The following SPIRE1 variants were observed in gnomAD, a reference collection of about 807,000 sequenced individuals.
SPIRE1 encodes protein spire homolog 1.
SPIRE1 carries 40 observed loss-of-function variants against 94.1 expected under a neutral mutation model. That is an observed-to-expected ratio of 0.43 (90% CI 0.33 to 0.55). The LOEUF is 0.55. Ranked by LOEUF, SPIRE1 falls within the 20% of genes least tolerant of loss-of-function variation. The pLI is 0.06. For missense variants in SPIRE1, 838 were observed against 975.2 expected (o/e 0.86, Z 1.87); for synonymous variants, 376 against 371.7 (o/e 1.01, Z -0.13).
chr18:12,596,255 G>C (rs2036668216), intron 2 of SPIRE1, among the ~76,000 whole-genome samples: 1 of 152,188 alleles, frequency 6.6e-6, no homozygotes, highest in Non-Finnish European at 1.5e-5. Context: ...CAAGAAAGAA[G>C]ACTAGAGTCT....
At chr18:12,527,630 G>A (rs1324028171) in intron 4 of SPIRE1, among the ~76,000 whole-genome samples, 1 of 152,174 alleles carries the variant, frequency 6.6e-6, no homozygotes, top group African/African-American at 2.4e-5. Context: ...CTGGAGAGCA[G>A]AATGAATATG....
intron 2 of SPIRE1, among the ~76,000 whole-genome samples, chr18:12,615,354 ATATATATATATATATATATGCATGTAT>A (rs2037271170): frequency 2.3e-5 from 2 of 85,964 alleles, no homozygotes; most frequent in South Asian, 4.3e-4. Flanking sequence ...AAATATATAT[ATATATATATATATATATATGCATGTAT>A]ATAAAAAAAA....
At chr18:12,519,588 T>C (rs532097112) in intron 4 of SPIRE1, among the ~76,000 whole-genome samples, 4 of 148,860 alleles carry the variant, frequency 2.7e-5, no homozygotes, top group African/African-American at 9.7e-5. Context: ...ATATTACAAA[T>C]TATATCACAA....
At chr18:12,649,964 G>C (rs182436614) in intron 1 of SPIRE1, among the ~76,000 whole-genome samples, 12 of 152,328 alleles carry the variant, frequency 7.9e-5, no homozygotes, top group Admixed American at 6.5e-4. Flanking sequence ...AGTAGGTCAG[G>C]CTTGGTGGCT....
At chr18:12,568,595 G>C (rs2035875464) in intron 2 of SPIRE1, among the ~76,000 whole-genome samples, 1 of 152,108 alleles carries the variant, frequency 6.6e-6, no homozygotes, top group African/African-American at 2.4e-5. Context: ...ATGTTAATTT[G>C]CATGTTTATG....
intron 7 of SPIRE1, among the ~76,000 whole-genome samples, chr18:12,493,461 C>T (rs952318262): frequency 5.3e-5 from 8 of 152,106 alleles, no homozygotes; most frequent in Non-Finnish European, 1.0e-4. Context: ...GGCTGGAGTG[C>T]AGTGGTGCAA....
At chr18:12,555,976 G>A (rs2035492596) in intron 2 of SPIRE1, among the ~76,000 whole-genome samples, 2 of 152,034 alleles carry the variant, frequency 1.3e-5, no homozygotes, top group African/African-American at 4.8e-5. Flanking sequence ...AGTAAAGTTG[G>A]AGGATACAAA....
At chr18:12,588,689 T>A (rs1336953839) in intron 2 of SPIRE1, among the ~76,000 whole-genome samples, 1 of 140,262 alleles carries the variant, frequency 7.1e-6, no homozygotes, top group Admixed American at 7.2e-5. Flanking sequence ...TTTCTTACAT[T>A]GCTAGTGCTG....
chr18:12,544,839 G>A (rs756128557), intron 3 of SPIRE1, among the ~76,000 whole-genome samples: 1 of 152,122 alleles, frequency 6.6e-6, no homozygotes, highest in Non-Finnish European at 1.5e-5. Context: ...ATTACTCTCT[G>A]GATCTCATCT....
chr18:12,616,130 T>C (rs566150541), intron 2 of SPIRE1, among the ~76,000 whole-genome samples: 1 of 152,348 alleles, frequency 6.6e-6, no homozygotes, highest in Non-Finnish European at 1.5e-5. Context: ...TGCCAGCTTC[T>C]ACCTTCTAAG....
intron 2 of SPIRE1, among the ~76,000 whole-genome samples, chr18:12,581,860 TAA>T (rs34528391): frequency 6.1e-5 from 9 of 147,316 alleles, no homozygotes; most frequent in African/African-American, 1.7e-4. Context: ...TGAGACTGTT[TAA>T]AAAAAAAAAA....
At chr18:12,631,958 T>C (rs1269721080) in intron 2 of SPIRE1, among the ~76,000 whole-genome samples, 1 of 151,828 alleles carries the variant, frequency 6.6e-6, no homozygotes, top group Admixed American at 6.6e-5. Context: ...GGTGGGAGGA[T>C]GACTTGAACC....
At chr18:12,570,537 C>T (rs1234076871) in intron 2 of SPIRE1, among the ~76,000 whole-genome samples, 1 of 152,146 alleles carries the variant, frequency 6.6e-6, no homozygotes, top group Middle Eastern at 3.2e-3. Flanking sequence ...ATGGGATTTC[C>T]TTATATCTGT....
intron 1 of SPIRE1, among the ~76,000 whole-genome samples, chr18:12,641,526 G>C (rs1002275920): frequency 1.3e-5 from 2 of 151,862 alleles, no homozygotes; most frequent in Non-Finnish European, 2.9e-5. Flanking sequence ...ACACTACCAT[G>C]CCCAGCTAAT....
chr18:12,658,086 C>T lies in SPIRE1; in HGVS notation c.-220G>A, dbSNP rs867050423. 2.3e-4 allele frequency: 227 copies of T among 991,406 alleles called. 1 individual carries two copies. In the African/African-American group the frequency reaches 3.5e-3, roughly 15 times the overall value. The allele number at this position is 991,406 out of a possible 1,614,324, so 61.4% of individuals were successfully genotyped here. ...CAGTCCCGGTCAGACAGCCGCCGGC[C>T]GGTAGCGACGCGATGGCGTCCGGCG... is the stretch of plus-strand genomic sequence containing the variant. On this transcript the variant is annotated 5_prime_UTR_variant, in exon 1 of 17. Transcript: ENST00000409402.
Position 12,451,063 on chromosome 18 carries a change from T to G in SPIRE1, c.2013-1167A>C. The stretch of plus-strand genomic sequence containing the variant: ...AGGAGGAGGAGGATGAATAAGAGAC[T>G]GTCCATTTGAAAAAAAAAAAAGAAA... On this transcript the variant is annotated intron_variant, in intron 16 of 16. Coordinates refer to ENST00000409402, the MANE Select transcript of SPIRE1 (RefSeq NM_001128626.2). 1.5e-5 allele frequency: 6 copies of G among 402,018 alleles called. No homozygotes were observed. In the East Asian group the frequency reaches 1.5e-4, roughly 10 times the overall value. 24.9% of individuals were successfully genotyped at this position (402,018 alleles called of 1,614,324 possible). A position where few individuals can be genotyped will look rare whatever the true frequency, so the allele number is the denominator to read the frequency against.
intron 10 of SPIRE1, among the ~76,000 whole-genome samples, chr18:12,478,775 A>T (rs2032721200): frequency 6.6e-6 from 1 of 152,174 alleles, no homozygotes; most frequent in Admixed American, 6.5e-5. Context: ...CAATACTGAC[A>T]TCGCAGATGG....
rs939389560 is a variant in SPIRE1 at position 12,615,052 on chromosome 18, C to A, written c.372+20010G>T. Among the ~76,000 whole-genome samples, 7 of 150,874 alleles carry A rather than the reference C, an allele frequency of 4.6e-5. No homozygotes were observed. The South Asian group carries it at 1.5e-3, about 32-fold the overall frequency. On this transcript the variant is annotated intron_variant, in intron 2 of 16. Coordinates refer to ENST00000409402, the MANE Select transcript of SPIRE1 (RefSeq NM_001128626.2). ...AAAAATACAAAAAATTGGCTCGGAG[C>A]GGTAGGTCATGCCTGTAATCCTAGC... is the stretch of plus-strand genomic sequence containing the variant.
chr18:12,622,421 CTT>C (rs71371281), intron 2 of SPIRE1, among the ~76,000 whole-genome samples: 10 of 114,850 alleles, frequency 8.7e-5, no homozygotes, highest in Non-Finnish European at 8.7e-5. Flanking sequence ...TATGTCCAGT[CTT>C]TTTTTTTTTT....
Sources: allele counts gnomAD v4.1 joint callset (sites outside exome capture counted in the v4.1 genomes callset), GRCh38; gene constraint gnomAD v4.1.1; transcripts MANE v1.5; gene names NCBI Gene and HGNC (gene_info 2026-07-23, HGNC 2026-07-21).